The following VPS13B variants were observed in gnomAD, a reference collection of about 807,000 sequenced individuals.
The protein encoded by VPS13B is intermembrane lipid transfer protein VPS13B.
Under a neutral mutation model 426.4 loss-of-function variants are expected in VPS13B, and 285 were observed. The observed-to-expected ratio is 0.67, with a 90% CI of 0.61 to 0.74. The LOEUF (loss-of-function observed/expected upper bound fraction) is 0.74. Among genes scored for constraint, VPS13B ranks in the 30% least tolerant of loss-of-function variants. The probability of loss-of-function intolerance (pLI) is 0.00; values close to 1 mark genes in which losing one functional copy is unlikely to be tolerated. For synonymous variants in VPS13B, 1,676 were observed against 1,676.4 expected, an observed-to-expected ratio of 1.00 and a Z score of 0.01; for missense variants, 4,537 against 4,782.6, an observed-to-expected ratio of 0.95 and a Z score of 1.51.
chr8:99,805,038 A>C (rs899133331), intron 43 of VPS13B, among the ~76,000 whole-genome samples: 5 of 150,398 alleles, frequency 3.3e-5, no homozygotes, highest in Admixed American at 6.6e-5. Context: ...GTTTTGATAT[A>C]TAAATAATAT....
chr8:99,303,423 A>G (rs1012297524), intron 19 of VPS13B, among the ~76,000 whole-genome samples: 7 of 151,820 alleles, frequency 4.6e-5, no homozygotes, highest in Non-Finnish European at 7.4e-5. Flanking sequence ...TATTTTTTCT[A>G]TAGTAATACC....
intron 56 of VPS13B, 70 bp downstream of exon 56, chr8:99,854,326 C>G (rs910452341): frequency 6.5e-6 from 10 of 1,533,916 alleles, no homozygotes; most frequent in Non-Finnish European, 7.9e-6. Context: ...GGGGGTAGCA[C>G]CTCATTTCAA....
intron 2 of VPS13B, among the ~76,000 whole-genome samples, chr8:99,030,457 A>AGT (rs1218124774): frequency 5.3e-5 from 5 of 94,630 alleles, no homozygotes; most frequent in African/African-American, 7.8e-5. Flanking sequence ...AGTATGAGTG[A>AGT]GTGAGTGTGT....
intron 19 of VPS13B, among the ~76,000 whole-genome samples, chr8:99,288,250 A>G (rs770970418): frequency 1.3e-5 from 2 of 152,044 alleles, no homozygotes; most frequent in African/African-American, 2.4e-5. Context: ...ATATTTATGT[A>G]TTCATAAAAA....
At chr8:99,306,109 A>G (rs929159101) in intron 19 of VPS13B, among the ~76,000 whole-genome samples, 5 of 152,130 alleles carry the variant, frequency 3.3e-5, no homozygotes, top group Non-Finnish European at 7.4e-5. Flanking sequence ...AGTCAATTTA[A>G]GGGCATCTGG....
intron 25 of VPS13B, among the ~76,000 whole-genome samples, chr8:99,496,231 G>T (rs1450519633): frequency 6.6e-6 from 1 of 152,160 alleles, no homozygotes; most frequent in African/African-American, 2.4e-5. Flanking sequence ...ACTTCAGCTA[G>T]GTGAAGTTGT....
intron 17 of VPS13B, chr8:99,233,740 A>G (rs1816484939): frequency 6.4e-6 from 5 of 781,212 alleles, no homozygotes; most frequent in Non-Finnish European, 1.2e-5. Context: ...TCCCTGTTTC[A>G]TGTTCATTTT....
At chr8:99,706,321 G>C (rs1832495423) in intron 36 of VPS13B, among the ~76,000 whole-genome samples, 1 of 152,126 alleles carries the variant, frequency 6.6e-6, no homozygotes, top group South Asian at 2.1e-4. Flanking sequence ...TTAATGACGA[G>C]TTCAAGGATT....
intron 33 of VPS13B, among the ~76,000 whole-genome samples, chr8:99,599,733 A>G (rs1758975711): frequency 6.6e-6 from 1 of 152,140 alleles, no homozygotes; most frequent in Admixed American, 6.6e-5. Flanking sequence ...AAGGTTTTCC[A>G]CAGCAAATGA....
chr8:99,834,664 T>A (rs1199814932), intron 52 of VPS13B, among the ~76,000 whole-genome samples: 1 of 152,042 alleles, frequency 6.6e-6, no homozygotes, highest in East Asian at 1.9e-4. Flanking sequence ...CCAGCCATCC[T>A]CCTCCCACCT....
chr8:99,785,845 A>G (rs545080944), intron 43 of VPS13B, among the ~76,000 whole-genome samples: 1 of 152,280 alleles, frequency 6.6e-6, no homozygotes, highest in Admixed American at 6.5e-5. Flanking sequence ...TTCCATTGTC[A>G]TTGCATTCCC....
At chr8:99,807,974 AG>A (rs1813490385) in intron 43 of VPS13B, among the ~76,000 whole-genome samples, 1 of 151,708 alleles carries the variant, frequency 6.6e-6, no homozygotes, top group Non-Finnish European at 1.5e-5. Flanking sequence ...ACTCCTCCTA[AG>A]GCTGAAACTA....
intron 7 of VPS13B, among the ~76,000 whole-genome samples, chr8:99,116,252 T>C (rs1847648602): frequency 6.6e-6 from 1 of 151,954 alleles, no homozygotes; most frequent in Non-Finnish European, 1.5e-5. Flanking sequence ...CAGGCTGGTC[T>C]CAAACTCCTG....
chr8:99,293,794 C>G (rs907037630), intron 19 of VPS13B, among the ~76,000 whole-genome samples: 104 of 152,006 alleles, frequency 6.8e-4, no homozygotes, highest in African/African-American at 2.4e-3. Flanking sequence ...AAAAAATGCT[C>G]ACCATCACTG....
intron 39 of VPS13B, among the ~76,000 whole-genome samples, chr8:99,764,563 G>A (rs1365436139): frequency 6.6e-6 from 1 of 151,710 alleles, no homozygotes; most frequent in East Asian, 1.9e-4. Context: ...ACAGGCACCT[G>A]CCACCACGCT....
intron 21 of VPS13B, among the ~76,000 whole-genome samples, chr8:99,421,455 C>T (rs1451839905): frequency 6.6e-6 from 1 of 152,084 alleles, no homozygotes; most frequent in East Asian, 1.9e-4. Flanking sequence ...AACTAGGAGT[C>T]ATTGTATGGG....
Position 99,175,745 on chromosome 8 carries a change from A to ACCCT in VPS13B, c.2333+5583_2333+5586dup, listed in dbSNP as rs569120101. Among the ~76,000 whole-genome samples the ACCCT allele has an allele frequency of 2.0e-4, 31 of 152,136 alleles. No individual in the cohort carries two copies. In the South Asian group the frequency reaches 6.2e-3, roughly 31 times the overall value. On this transcript the variant is annotated intron_variant, in intron 16 of 61. Coordinates refer to ENST00000357162, the MANE Select transcript of VPS13B (RefSeq NM_152564.5). ...GCTCTCCAGCCTGAGTGACAGCGAG[A>ACCCT]CCCTGTCTGTTTCAAACCCCAAAAC...
chr8:99,128,427 AT>A (rs1809565470), intron 8 of VPS13B, among the ~76,000 whole-genome samples: 1 of 104,990 alleles, frequency 9.5e-6, no homozygotes, highest in Non-Finnish European at 1.9e-5. Flanking sequence ...AAAAAAAAAA[AT>A]TTGTTGTTTC....
At chr8:99,736,732 G>C (rs1461333089) in intron 39 of VPS13B, among the ~76,000 whole-genome samples, 1 of 144,090 alleles carries the variant, frequency 6.9e-6, no homozygotes, top group Non-Finnish European at 1.5e-5. Flanking sequence ...TAAGACTTCA[G>C]GACTGAAAGA....
Sources: allele counts gnomAD v4.1 joint callset (sites outside exome capture counted in the v4.1 genomes callset), GRCh38; gene constraint gnomAD v4.1.1; transcripts MANE v1.5; gene names NCBI Gene and HGNC (gene_info 2026-07-23, HGNC 2026-07-21).